MAP3K2: variants seen among roughly 807,000 people sequenced by gnomAD.
The protein encoded by MAP3K2 is MAP/ERK kinase kinase 2.
In MAP3K2, 24 loss-of-function variants were observed where a neutral mutation model predicts 80.3. The observed-to-expected ratio is 0.30, with a 90% confidence interval of 0.22 to 0.42. The LOEUF is 0.42. Among genes scored for constraint, MAP3K2 ranks in the 10% least tolerant of loss-of-function variants. MAP3K2 has a pLI of 1.00. For synonymous variants in MAP3K2, 244 were observed against 253.7 expected, an observed-to-expected ratio of 0.96 and a Z score of 0.36; for missense variants, 608 against 750.1, an observed-to-expected ratio of 0.81 and a Z score of 2.21.
intron 9 of MAP3K2, among the ~76,000 whole-genome samples, chr2:127,324,776 A>T (rs1287855588): frequency 2.0e-5 from 3 of 152,158 alleles, no homozygotes; most frequent in African/African-American, 7.2e-5. Flanking sequence ...AATATTAGTT[A>T]TTTTTTTCAG....
Position 127,322,230 on chromosome 2 carries a change from A to G in MAP3K2, c.861T>C (p.Ala287=), listed in dbSNP as rs3732209. The G allele has an allele frequency of 0.29, 472,448 of 1,612,106 alleles. 72,284 individuals are homozygous for G. The highest frequency in any genetic ancestry group is 0.34 in the Middle Eastern group (2,062 of 6,032). Residue 287 remains alanine (A), a synonymous_variant, in exon 12 of 17, where the codon GCT becomes GCC. Transcript: ENST00000682094. The surrounding 1 kb of genome is among the most constrained non-coding windows in gnomAD (Gnocchi z 4.2). ...YNDGRKTFPR[A]RRTQGTSLRS... is the part of the protein sequence containing the mutation. ...GTAAGCTGGTCCCCTGGGTCCTTCT[A>G]GCTCTTGGAAAAGTTTTACGACCTA... is the stretch of plus-strand genomic sequence containing the variant.
intron 1 of MAP3K2, among the ~76,000 whole-genome samples, chr2:127,351,911 T>C (rs984380539): frequency 1.3e-5 from 2 of 151,896 alleles, no homozygotes; most frequent in Non-Finnish European, 2.9e-5. Context: ...GGGTCTTGCT[T>C]TGTCACCCAG....
chr2:127,331,234 A>C (rs1686250359), intron 5 of MAP3K2, among the ~76,000 whole-genome samples: 1 of 152,218 alleles, frequency 6.6e-6, no homozygotes. Flanking sequence ...TTAAGAAATA[A>C]AAATATGTCC....
chr2:127,316,321 C>G (rs1685903298), intron 14 of MAP3K2, among the ~76,000 whole-genome samples: 1 of 152,346 alleles, frequency 6.6e-6, no homozygotes, highest in Admixed American at 6.5e-5. Context: ...TTGCAGTGAG[C>G]TGAGATCGTG....
chr2:127,382,540 A>G (rs780192422), intron 1 of MAP3K2, among the ~76,000 whole-genome samples: 3 of 152,306 alleles, frequency 2.0e-5, no homozygotes, highest in Non-Finnish European at 4.4e-5. Context: ...ACAGATAATA[A>G]TGTGTTTTCT....
Position 127,339,340 on chromosome 2 carries a change from C to G in MAP3K2, c.5-290G>C, listed in dbSNP as rs1023684508. 2.6e-5 allele frequency among the ~76,000 whole-genome samples: 4 copies of G among 151,758 alleles called. No individual in the cohort carries two copies. The highest frequency in any genetic ancestry group is 9.7e-5 in the African/African-American group (4 of 41,336). On this transcript the variant is annotated intron_variant, in intron 2 of 16. Transcript: ENST00000682094. The surrounding 1 kb of genome is among the most constrained non-coding windows in gnomAD (Gnocchi z 4.2). ...TAAGGTCAAAACTGCCCTGTTATAA[C>G]AAATTCTTTTCTATGACTCCTAAAC...
rs1558980428 is a variant in MAP3K2, at chr2:127,335,973, T to C, written c.165-4A>G. ...TGGTCTGGGGAACTGAAGGATTCTA[T>C]ATAAACACAATTTTAAGATTTTATT... is the stretch of plus-strand genomic sequence containing the variant. On this transcript the variant is annotated splice_polypyrimidine_tract_variant and splice_region_variant and intron_variant, in intron 4 of 16. Transcript: ENST00000682094. 1 of 1,486,806 alleles carries C rather than the reference T, an allele frequency of 6.7e-7. No individual in the cohort carries two copies. The highest frequency in any genetic ancestry group is 2.4e-5 in the East Asian group (1 of 41,700). 92.1% of individuals were successfully genotyped at this position (1,486,806 alleles called of 1,614,324 possible). A position where few individuals can be genotyped will look rare whatever the true frequency, so the allele number is the denominator to read the frequency against.
At chr2:127,363,615 A>C (rs1686925175) in intron 1 of MAP3K2, among the ~76,000 whole-genome samples, 1 of 152,220 alleles carries the variant, frequency 6.6e-6, no homozygotes, top group Non-Finnish European at 1.5e-5. Flanking sequence ...CTTCAAATCA[A>C]TTCCTGTAAT....
chr2:127,377,286 C>T (rs1251355390), intron 1 of MAP3K2, among the ~76,000 whole-genome samples: 1 of 151,784 alleles, frequency 6.6e-6, no homozygotes, highest in Non-Finnish European at 1.5e-5. Flanking sequence ...TTCTAGTTTA[C>T]TCAAATATTT....
At position 127,300,105 on chromosome 2, in the gene MAP3K2, TA is replaced by T. The variant is rs1191623042; in HGVS notation, c.*7473del. On this transcript the variant is annotated 3_prime_UTR_variant, in exon 17 of 17. Transcript: ENST00000682094. ...AAGAACCATAGATAAGTATAGTTTG[TA>T]AAAGCAAAAAGGTCCATTTAAGTCA... 2.6e-5 allele frequency: 4 copies of T among 152,132 alleles called. No individual in the cohort carries two copies. The highest frequency in any genetic ancestry group is 6.5e-5 in the Admixed American group (1 of 15,280). 9.4% of individuals were successfully genotyped at this position (152,132 alleles called of 1,614,324 possible). A position where few individuals can be genotyped will look rare whatever the true frequency, so the allele number is the denominator to read the frequency against.
intron 15 of MAP3K2, among the ~76,000 whole-genome samples, chr2:127,309,823 T>C (rs760583119): frequency 4.6e-5 from 7 of 152,196 alleles, no homozygotes; most frequent in Admixed American, 6.5e-5. Context: ...TAAAGGCACA[T>C]AGTGTCAACA....
chr2:127,363,658 T>C (rs1343795760), intron 1 of MAP3K2, among the ~76,000 whole-genome samples: 2 of 152,214 alleles, frequency 1.3e-5, no homozygotes, highest in Non-Finnish European at 2.9e-5. Context: ...AAAATGTTAT[T>C]TGTGTAGCTG....
chr2:127,317,531 T>C, intron 14 of MAP3K2, 98 bp downstream of exon 14: 1 of 1,012,492 alleles, frequency 9.9e-7, no homozygotes, highest in Non-Finnish European at 1.4e-6. Flanking sequence ...TGTCCTTAAC[T>C]AGGGTTAACA....
intron 2 of MAP3K2, 77 bp downstream of exon 2, chr2:127,343,049 C>A: frequency 9.1e-7 from 1 of 1,102,462 alleles, no homozygotes. Flanking sequence ...TTTATAATAA[C>A]ACATAATAGA....
chr2:127,324,016 TTATC>T (rs1240569400), intron 10 of MAP3K2, 22 bp from the exon 11 acceptor site: 4 of 1,189,216 alleles, frequency 3.4e-6, no homozygotes, highest in Non-Finnish European at 4.7e-6. Flanking sequence ...TATAAGATGG[TTATC>T]TTTTATTTAA....
chr2:127,322,294 A>G lies in MAP3K2; in HGVS notation c.839-42T>C, dbSNP rs1027727054. On this transcript the variant is annotated intron_variant, in intron 11 of 16. Transcript: ENST00000682094. This position sits in a 1 kb window ranked among gnomAD's most constrained non-coding sequence, Gnocchi z 4.2. ...GAATGACCTTATACCTTTTATTAAT[A>G]TGTTATACTTTTAAAGTATTTAAAA... The G allele has an allele frequency of 1.6e-6, 2 of 1,258,716 alleles. No individual in the cohort carries two copies. 78.0% of individuals were successfully genotyped at this position (1,258,716 alleles called of 1,614,324 possible).
intron 1 of MAP3K2, among the ~76,000 whole-genome samples, chr2:127,385,041 C>T (rs1327641314): frequency 6.6e-6 from 1 of 152,110 alleles, no homozygotes; most frequent in Non-Finnish European, 1.5e-5. Context: ...GTTGATAAAG[C>T]AACGATAAGC....
At chr2:127,326,157 A>C (rs1236455468) in intron 8 of MAP3K2, among the ~76,000 whole-genome samples, 1 of 152,118 alleles carries the variant, frequency 6.6e-6, no homozygotes, top group Non-Finnish European at 1.5e-5. Flanking sequence ...CTGAAAACTG[A>C]ACAATGGCCC....
At chr2:127,344,887 A>G (rs1012145536) in intron 1 of MAP3K2, among the ~76,000 whole-genome samples, 8 of 152,054 alleles carry the variant, frequency 5.3e-5, no homozygotes, top group Admixed American at 3.9e-4. Flanking sequence ...GGACAGGAGG[A>G]GGGTCTTGCT....
Sources: gnomAD v4.1 joint callset for allele counts (sites outside exome capture counted in the v4.1 genomes callset) on GRCh38, gnomAD v4.1.1 for gene constraint, Gnocchi (gnomAD v3.1) non-coding constraint, MANE v1.5 for transcripts, NCBI Gene and HGNC (gene_info 2026-07-23, HGNC 2026-07-21) for gene names.